The following WDR41 variants were observed in gnomAD, a reference collection of about 807,000 sequenced individuals.
WDR41 encodes the protein WD repeat-containing protein 41.
WDR41 carries 63 observed loss-of-function variants against 69.3 expected under a neutral mutation model. The observed-to-expected ratio is 0.91, with a 90% CI of 0.74 to 1.12. The LOEUF is 1.12. WDR41 is among the 50% of genes most tolerant of loss of function. The pLI is 0.00. For synonymous variants in WDR41, 185 were observed against 192.1 expected (o/e 0.96, Z 0.31); for missense variants, 543 against 534.5 (o/e 1.02, Z -0.16).
At chr5:77,494,740 AAT>A (rs1284967355), upstream of WDR41, among the ~76,000 whole-genome samples, 2 of 152,190 alleles carry the variant, frequency 1.3e-5, no homozygotes, top group Non-Finnish European at 2.9e-5. Flanking sequence ...CACTTTCAAT[AAT>A]AGATAGAACA....
intron 1 of WDR41, among the ~76,000 whole-genome samples, chr5:77,555,651 G>A (rs7715772): frequency 0.33 from 50,536 of 151,982 alleles, 11,681 homozygotes; most frequent in African/African-American, 0.64. Context: ...AACAGCATCC[G>A]AAAATATAAA....
chr5:77,589,763 C>A (rs142144814), intron 1 of WDR41, among the ~76,000 whole-genome samples: 3 of 152,192 alleles, frequency 2.0e-5, no homozygotes, highest in African/African-American at 7.2e-5. Context: ...ATAATCATGT[C>A]ATTCATGAAC....
At chr5:77,570,699 T>C (rs1302459073) in intron 1 of WDR41, among the ~76,000 whole-genome samples, 1 of 151,596 alleles carries the variant, frequency 6.6e-6, no homozygotes, top group African/African-American at 2.4e-5. Context: ...AAATTATCAT[T>C]AGGTTTAGAT....
chr5:77,434,675 C>T (rs1037092697), intron 12 of WDR41, among the ~76,000 whole-genome samples: 1 of 151,646 alleles, frequency 6.6e-6, no homozygotes, highest in Non-Finnish European at 1.5e-5. Flanking sequence ...CCAGCCTGGG[C>T]AACAGAGTGA....
chr5:77,535,603 T>C (rs1195477092), intron 1 of WDR41, among the ~76,000 whole-genome samples: 2 of 152,196 alleles, frequency 1.3e-5, no homozygotes, highest in African/African-American at 4.8e-5. Flanking sequence ...ATCACAAAAA[T>C]TCTAGGGTCT....
At chr5:77,451,439 G>T (rs1014841286) in intron 6 of WDR41, 86 bp from the exon 7 acceptor site, 1 of 1,264,946 alleles carries the variant, frequency 7.9e-7, no homozygotes, top group Non-Finnish European at 1.1e-6. Flanking sequence ...TATGTCAGTC[G>T]TTTTCCATAA....
intron 1 of WDR41, among the ~76,000 whole-genome samples, chr5:77,597,540 G>C (rs1426445170): frequency 6.6e-6 from 1 of 152,090 alleles, no homozygotes; most frequent in Non-Finnish European, 1.5e-5. Flanking sequence ...ATACCTATGA[G>C]GGCTTGAGCC....
At chr5:77,586,182 G>A (rs2112299475) in intron 1 of WDR41, among the ~76,000 whole-genome samples, 1 of 152,048 alleles carries the variant, frequency 6.6e-6, no homozygotes, top group Non-Finnish European at 1.5e-5. Context: ...TTGTGGTGAT[G>A]GTTGGATATC....
chr5:77,442,478 G>C (rs956376829), intron 8 of WDR41, among the ~76,000 whole-genome samples: 5 of 151,794 alleles, frequency 3.3e-5, no homozygotes, highest in Non-Finnish European at 5.9e-5. Flanking sequence ...AGAAAGATGT[G>C]GACTGGTGTT....
At chr5:77,566,656 T>C (rs1174007133) in intron 1 of WDR41, among the ~76,000 whole-genome samples, 1 of 152,036 alleles carries the variant, frequency 6.6e-6, no homozygotes, top group Non-Finnish European at 1.5e-5. Flanking sequence ...GCTTGTGTGG[T>C]GGGGGGCAGA....
chr5:77,460,277 T>C (rs1799995260), intron 4 of WDR41, among the ~76,000 whole-genome samples: 1 of 152,230 alleles, frequency 6.6e-6, no homozygotes, highest in Non-Finnish European at 1.5e-5. Context: ...ACCATCTATA[T>C]TCTATGTCAT....
At chr5:77,581,704 G>GA (rs138446856) in intron 1 of WDR41, among the ~76,000 whole-genome samples, 4,146 of 152,132 alleles carry the variant, frequency 0.027, 166 homozygotes, top group African/African-American at 0.091. Context: ...GAAAAAATGG[G>GA]AAAACTCACA....
intron 1 of WDR41, among the ~76,000 whole-genome samples, chr5:77,530,014 T>C (rs1253998798): frequency 1.5e-5 from 2 of 136,792 alleles, no homozygotes; most frequent in African/African-American, 5.4e-5. Flanking sequence ...TCTCTCAAGA[T>C]ACAGAAAGGA....
chr5:77,587,540 C>T (rs1342213472), intron 1 of WDR41, among the ~76,000 whole-genome samples: 2 of 152,140 alleles, frequency 1.3e-5, no homozygotes, highest in Non-Finnish European at 2.9e-5. Context: ...ATAATTTTAG[C>T]AATTCTTGTG....
intron 1 of WDR41, among the ~76,000 whole-genome samples, chr5:77,603,980 T>C (rs1744370852): frequency 3.3e-5 from 5 of 152,208 alleles, no homozygotes; most frequent in Non-Finnish European, 7.4e-5. Context: ...AATAGAGCTT[T>C]GCAATATATT....
intron 5 of WDR41, among the ~76,000 whole-genome samples, chr5:77,457,867 C>T (rs1430272176): frequency 6.6e-6 from 1 of 151,946 alleles, no homozygotes; most frequent in East Asian, 1.9e-4. Flanking sequence ...ACACAAATAT[C>T]TAGCTGATTC....
chr5:77,442,782 C>G (rs1435181705), intron 8 of WDR41, among the ~76,000 whole-genome samples: 1 of 148,906 alleles, frequency 6.7e-6, no homozygotes, highest in Non-Finnish European at 1.5e-5. Context: ...GTCCCAGCTA[C>G]TCGGGAGGCT....
At chr5:77,569,098 T>G (rs1743687197) in intron 1 of WDR41, among the ~76,000 whole-genome samples, 1 of 152,080 alleles carries the variant, frequency 6.6e-6, no homozygotes, top group African/African-American at 2.4e-5. Context: ...CAATTTAACA[T>G]TAAAAGTCCT....
chr5:77,441,097 A>G, intron 8 of WDR41, 100 bp from the exon 9 acceptor site: 2 of 1,292,980 alleles, frequency 1.5e-6, no homozygotes, highest in South Asian at 1.8e-5. Context: ...AAACCACAGT[A>G]ATTAGAACAG....
Sources: gnomAD v4.1 joint callset for allele counts (sites outside exome capture counted in the v4.1 genomes callset) on GRCh38, gnomAD v4.1.1 for gene constraint, MANE v1.5 for transcripts, NCBI Gene and HGNC (gene_info 2026-07-23, HGNC 2026-07-21) for gene names.